PFKFB3: variants seen among roughly 807,000 people sequenced by gnomAD.
The protein encoded by PFKFB3 is 6-phosphofructo-2-kinase/fructose-2,6-biphosphatase 3.
A neutral mutation model predicts 68.0 loss-of-function variants in PFKFB3; 33 were observed. The observed-to-expected ratio is 0.49, with a 90% CI of 0.37 to 0.65. PFKFB3 has a LOEUF of 0.65. Among genes scored for constraint, PFKFB3 ranks in the 30% least tolerant of loss-of-function variants. PFKFB3 has a pLI of 0.00. For missense variants in PFKFB3, 586 were observed against 712.2 expected (o/e 0.82, Z 2.02); for synonymous variants, 315 against 288.2 (o/e 1.09, Z -0.94).
In PFKFB3 at chr10:6,216,687, C is replaced by T. The variant is rs1437969564; in HGVS notation, c.367-19C>T. 2 of 1,553,236 alleles carry T rather than the reference C, an allele frequency of 1.3e-6. No homozygotes were observed. Among genetic ancestry groups the T allele is most frequent in the Non-Finnish European group, 1.8e-6 (2 of 1,124,772 alleles). ...TCAAACTTAGAGTTTTCTTCCTGGC[C>T]CTTTGCTCTCCATATCAGGTTTTCG... is the stretch of plus-strand genomic sequence containing the variant. On this transcript the variant is annotated intron_variant, in intron 4 of 14. Transcript: ENST00000379775.
At chr10:6,249,957 A>G (rs563932823) in intron 14 of PFKFB3, among the ~76,000 whole-genome samples, 1 of 152,282 alleles carries the variant, frequency 6.6e-6, no homozygotes, top group South Asian at 2.1e-4. Context: ...ATATATAAAT[A>G]TTATTTGCCA....
chr10:6,238,234 A>C (rs1846064465), downstream of PFKFB3, among the ~76,000 whole-genome samples: 1 of 151,868 alleles, frequency 6.6e-6, no homozygotes, highest in South Asian at 2.1e-4. Context: ...GTACAATCTC[A>C]GCTCGCTGCA....
intron 1 of PFKFB3, among the ~76,000 whole-genome samples, chr10:6,196,222 C>T (rs1843172036): frequency 6.6e-6 from 1 of 151,940 alleles, no homozygotes. Context: ...GCCTCCACCT[C>T]CCGGTTCAAG....
At chr10:6,218,285 A>AGAAATCTCTTTCTGAT (rs1019590970) in intron 6 of PFKFB3, among the ~76,000 whole-genome samples, 1 of 152,156 alleles carries the variant, frequency 6.6e-6, no homozygotes, top group Non-Finnish European at 1.5e-5. Flanking sequence ...CACCATGTTC[A>AGAAATCTCTTTCTGAT]GAAATCTCTT....
chr10:6,244,511 G>A (rs565651205), intron 14 of PFKFB3, among the ~76,000 whole-genome samples: 1 of 152,294 alleles, frequency 6.6e-6, no homozygotes, highest in African/African-American at 2.4e-5. Flanking sequence ...CAGAAAAGCT[G>A]TATTTAGCAG....
At chr10:6,187,235 C>A (rs958614760) in intron 1 of PFKFB3, among the ~76,000 whole-genome samples, 3 of 148,730 alleles carry the variant, frequency 2.0e-5, no homozygotes, top group African/African-American at 7.4e-5. Flanking sequence ...GTGGTGGGTG[C>A]CTGTAATCCC....
chr10:6,325,936 T>C, the PFKFB3 span, among the ~76,000 whole-genome samples: 3 of 152,190 alleles, frequency 2.0e-5, no homozygotes, highest in Non-Finnish European at 2.9e-5. Context: ...CTGACCCAAT[T>C]AATGAGTCCT....
chr10:6,203,414 G>T, intron 1 of PFKFB3, 78 bp downstream of exon 1: 1 of 1,114,530 alleles, frequency 9.0e-7, no homozygotes. Context: ...GCTTTGTGCC[G>T]ACGCCCCTCT....
chr10:6,144,985 C>T, exon 1 of PFKFB3: 1 of 1,301,384 alleles, frequency 7.7e-7, no homozygotes, highest in Non-Finnish European at 9.8e-7. Context: ...CCGCGGGGAG[C>T]GCCCCCGGCG....
Position 6,228,305 on chromosome 10 carries a change from A to G in PFKFB3, c.1515+1940A>G, listed in dbSNP as rs1386916598. ...CCTCCTGCCTGTTAAAATATTGAGGATGAGAGCAGTTTTGTGATGTGAGGT... is the reference window on the plus strand; with the variant it reads ...CCTCCTGCCTGTTAAAATATTGAGGGTGAGAGCAGTTTTGTGATGTGAGGT... On this transcript the variant is annotated intron_variant, in intron 14 of 14. Transcript: ENST00000379775. The surrounding 1 kb of genome is among the most constrained non-coding windows in gnomAD (Gnocchi z 4.5). The G allele has an allele frequency of 8.1e-6, 12 of 1,476,908 alleles. No individual in the cohort carries two copies. The highest frequency in any genetic ancestry group is 1.0e-5 in the Non-Finnish European group (11 of 1,057,340). The allele number at this position is 1,476,908 out of a possible 1,614,324, so 91.5% of individuals were successfully genotyped here.
the PFKFB3 span, among the ~76,000 whole-genome samples, chr10:6,302,749 TACAC>T: frequency 0.051 from 7,415 of 145,194 alleles, 480 homozygotes; most frequent in African/African-American, 0.16. Context: ...TGTGTGTGTA[TACAC>T]ACACACACAC....
rs1002741080 is a variant in PFKFB3, at chr10:6,215,016, T to G, written c.203-205T>G. On this transcript the variant is annotated intron_variant, in intron 2 of 14. Transcript: ENST00000379775. The surrounding 1 kb of genome is among the most constrained non-coding windows in gnomAD (Gnocchi z 4.3). ...TGCGGCAGGGGCATTGCAGCTGGAC[T>G]GGGGAAGCCGGGCAGCCTGTGCCCT... Among the ~76,000 whole-genome samples the G allele has an allele frequency of 1.3e-5, 2 of 152,188 alleles. No individual in the cohort carries two copies. The highest frequency in any genetic ancestry group is 2.9e-5 in the Non-Finnish European group (2 of 68,028).
At chr10:6,322,476 G>A in the PFKFB3 span, among the ~76,000 whole-genome samples, 2 of 152,166 alleles carry the variant, frequency 1.3e-5, no homozygotes, top group African/African-American at 4.8e-5. Context: ...CCAGTAGCCT[G>A]AATGATCTTT....
At chr10:6,241,762 T>C (rs1846145327) in intron 14 of PFKFB3, among the ~76,000 whole-genome samples, 1 of 152,244 alleles carries the variant, frequency 6.6e-6, no homozygotes, top group Non-Finnish European at 1.5e-5. Flanking sequence ...CATCCATTAG[T>C]GTATTTTCCT....
At chr10:6,165,965 T>C (rs77072639) in intron 1 of PFKFB3, among the ~76,000 whole-genome samples, 1,520 of 148,942 alleles carry the variant, frequency 0.01, 61 homozygotes, top group East Asian at 0.097. Context: ...CAGGCGTGGA[T>C]CACCAGGCTC....
intron 4 of PFKFB3, 26 bp from the exon 5 acceptor site, chr10:6,216,680 T>A: frequency 6.6e-7 from 1 of 1,504,018 alleles, no homozygotes; most frequent in Non-Finnish European, 9.3e-7. Context: ...AGAGTTTTCT[T>A]CCTGGCCCTT....
At chr10:6,205,977 T>A (rs1038780764) in intron 1 of PFKFB3, among the ~76,000 whole-genome samples, 1 of 147,202 alleles carries the variant, frequency 6.8e-6, no homozygotes, top group Non-Finnish European at 1.5e-5. Context: ...AAAAAAAATT[T>A]TTTTTTTTTT....
chr10:6,305,650 A>G, the PFKFB3 span, among the ~76,000 whole-genome samples: 1 of 152,194 alleles, frequency 6.6e-6, no homozygotes, highest in Non-Finnish European at 1.5e-5. Flanking sequence ...GTTTGCTTGC[A>G]CACAGAGGGC....
At chr10:6,254,097 C>CTTT (rs34789693) in intron 14 of PFKFB3, 7 of 332,314 alleles carry the variant, frequency 2.1e-5, no homozygotes, top group Non-Finnish European at 3.1e-5. Context: ...TTTCAGATGG[C>CTTT]TTTTTTTTTT....
Sources: allele counts gnomAD v4.1 joint callset (sites outside exome capture counted in the v4.1 genomes callset), GRCh38; gene constraint gnomAD v4.1.1; non-coding constraint Gnocchi (gnomAD v3.1); transcripts MANE v1.5; gene names NCBI Gene and HGNC (gene_info 2026-07-23, HGNC 2026-07-21).